PHC3: variants seen among roughly 807,000 people sequenced by gnomAD.
PHC3 encodes the protein polyhomeotic-like protein 3.
Under a neutral mutation model 107.4 loss-of-function variants are expected in PHC3, and 13 were observed. That is an observed-to-expected ratio of 0.12 (90% CI 0.08 to 0.19). The LOEUF is 0.19. PHC3 is among the 10% of genes least tolerant of loss of function. The probability of loss-of-function intolerance (pLI) is 1.00; values close to 1 mark genes in which losing one functional copy is unlikely to be tolerated. For synonymous variants in PHC3, 456 were observed against 427.4 expected, an observed-to-expected ratio of 1.07 and a Z score of -0.83; for missense variants, 992 against 1,210.9, an observed-to-expected ratio of 0.82 and a Z score of 2.68.
In PHC3 at chr3:170,166,236, G is replaced by A. The variant is rs550113264; in HGVS notation, c.414+5137C>T. Among the ~76,000 whole-genome samples the A allele has an allele frequency of 5.9e-4, 89 of 152,030 alleles. 1 individual carries two copies. Among genetic ancestry groups the A allele is most frequent in the African/African-American group, 2.1e-3 (86 of 41,454 alleles). On this transcript the variant is annotated intron_variant, in intron 4 of 14. Transcript: ENST00000495893. Reference sequence around the variant, plus strand: ...ATTTTTGATTTTTAATAGAGATGGGGTTTCACCATGTTGGCCAGGCTGGTC... The same window carrying A: ...ATTTTTGATTTTTAATAGAGATGGGATTTCACCATGTTGGCCAGGCTGGTC...
At chr3:170,174,695 T>C (rs1207051400) in intron 2 of PHC3, among the ~76,000 whole-genome samples, 2 of 152,166 alleles carry the variant, frequency 1.3e-5, no homozygotes, top group East Asian at 3.8e-4. Context: ...AGCATATTTC[T>C]GTGTGTTATT....
intron 12 of PHC3, among the ~76,000 whole-genome samples, chr3:170,104,929 T>C (rs756766001): frequency 1.6e-4 from 25 of 152,224 alleles, no homozygotes; most frequent in Non-Finnish European, 2.9e-5. Flanking sequence ...GCTAGCTTTA[T>C]ACTTGATATT....
At chr3:170,156,595 A>G (rs534359381) in intron 4 of PHC3, among the ~76,000 whole-genome samples, 48 of 149,534 alleles carry the variant, frequency 3.2e-4, no homozygotes, top group African/African-American at 1.1e-3. Flanking sequence ...TCTTTTTAAG[A>G]GACTACATGG....
chr3:170,132,494 A>T (rs1353870540), intron 7 of PHC3, among the ~76,000 whole-genome samples: 1 of 152,214 alleles, frequency 6.6e-6, no homozygotes, highest in Non-Finnish European at 1.5e-5. Flanking sequence ...ACAAAGGTTA[A>T]ATGAGGTCAT....
chr3:170,176,389 A>T (rs1730486518), intron 2 of PHC3, among the ~76,000 whole-genome samples: 1 of 152,218 alleles, frequency 6.6e-6, no homozygotes, highest in Admixed American at 6.5e-5. Flanking sequence ...CTAAACCAAA[A>T]ACAGTTAAAT....
chr3:170,175,623 G>GA (rs1243372877), intron 2 of PHC3, among the ~76,000 whole-genome samples: 1,677 of 109,648 alleles, frequency 0.015, 9 homozygotes, highest in Non-Finnish European at 0.02. Context: ...AGGGAGAGAA[G>GA]AAAAAAAAAA....
In PHC3 at chr3:170,102,551, G is replaced by T; in HGVS notation, c.2761C>A (p.Leu921Ile). ...IRKMPENSDL[L>I]PVAQTEPSIW... Reference sequence around the variant, plus strand: ...GATGGCTCTGTTTGTGCAACTGGTAGCAAGTCACTGTTCTCAGGCATTTTC... The same window carrying T: ...GATGGCTCTGTTTGTGCAACTGGTATCAAGTCACTGTTCTCAGGCATTTTC... Residue 921 changes from leucine to isoleucine, a missense_variant, in exon 14 of 15, where the codon CTA becomes ATA. Coordinates refer to ENST00000495893, the MANE Select transcript of PHC3 (RefSeq NM_024947.4). 2 of 1,613,856 alleles carry T rather than the reference G, an allele frequency of 1.2e-6. No homozygotes were observed. The highest frequency in any genetic ancestry group is 1.7e-6 in the Non-Finnish European group (2 of 1,179,830).
At chr3:170,163,903 T>C (rs1728321740) in intron 4 of PHC3, among the ~76,000 whole-genome samples, 1 of 117,558 alleles carries the variant, frequency 8.5e-6, no homozygotes, top group Non-Finnish European at 1.8e-5. Context: ...GGCATAGTAA[T>C]AATATAGGAA....
intron 4 of PHC3, among the ~76,000 whole-genome samples, chr3:170,167,750 G>T (rs1982786): frequency 0.31 from 44,123 of 144,514 alleles, 6,612 homozygotes; most frequent in East Asian, 0.49. Flanking sequence ...ACAGAGCAAG[G>T]CTTCATCTCA....
chr3:170,119,665 T>TATTCTC (rs1719818605), intron 9 of PHC3, among the ~76,000 whole-genome samples: 1 of 152,318 alleles, frequency 6.6e-6, no homozygotes, highest in South Asian at 2.1e-4. Context: ...CAAATCTGTC[T>TATTCTC]ATTCTCAGTA....
At chr3:170,114,075 T>C (rs1577015244) in intron 10 of PHC3, among the ~76,000 whole-genome samples, 1 of 152,208 alleles carries the variant, frequency 6.6e-6, no homozygotes, top group Admixed American at 6.5e-5. Flanking sequence ...AATGGTGCAA[T>C]CTTGGCTCAC....
At chr3:170,134,197 T>C (rs780009929) in intron 7 of PHC3, among the ~76,000 whole-genome samples, 9 of 151,616 alleles carry the variant, frequency 5.9e-5, no homozygotes, top group African/African-American at 9.7e-5. Flanking sequence ...AATATATATA[T>C]ATATATTTTT....
chr3:170,159,848 A>C (rs1234771292), intron 4 of PHC3, among the ~76,000 whole-genome samples: 1 of 152,228 alleles, frequency 6.6e-6, no homozygotes, highest in East Asian at 1.9e-4. Context: ...CAATACTAAA[A>C]TTTTGAAAAA....
chr3:170,179,308 T>C (rs1731022100), intron 1 of PHC3, among the ~76,000 whole-genome samples: 1 of 152,216 alleles, frequency 6.6e-6, no homozygotes, highest in Non-Finnish European at 1.5e-5. Context: ...TTTTAAAACA[T>C]TTCTTTACAT....
At chr3:170,143,937 T>C (rs1160545629) in intron 6 of PHC3, among the ~76,000 whole-genome samples, 2 of 152,058 alleles carry the variant, frequency 1.3e-5, no homozygotes, top group Non-Finnish European at 1.5e-5. Context: ...TCATAGAGTA[T>C]GTATCCCTTA....
chr3:170,168,518 C>T (rs1416326290), intron 4 of PHC3, among the ~76,000 whole-genome samples: 1 of 151,892 alleles, frequency 6.6e-6, no homozygotes, highest in African/African-American at 2.4e-5. Context: ...GTAATCCCAG[C>T]ACTTTGGGAG....
intron 14 of PHC3, among the ~76,000 whole-genome samples, chr3:170,099,359 T>C (rs1388658503): frequency 6.6e-6 from 1 of 152,192 alleles, no homozygotes; most frequent in Non-Finnish European, 1.5e-5. Flanking sequence ...AAAAGTATAG[T>C]TACATCAGTA....
chr3:170,154,777 A>G (rs946999325), intron 4 of PHC3, among the ~76,000 whole-genome samples: 8 of 152,132 alleles, frequency 5.3e-5, no homozygotes, highest in African/African-American at 1.7e-4. Flanking sequence ...ATAACACCCA[A>G]CTCATGAAGG....
At chr3:170,105,738 GAAT>G (rs1716377996) in intron 12 of PHC3, among the ~76,000 whole-genome samples, 1 of 152,098 alleles carries the variant, frequency 6.6e-6, no homozygotes, top group African/African-American at 2.4e-5. Context: ...TCCTTTGAAA[GAAT>G]AATTACCTTT....
Sources: gnomAD v4.1 joint callset for allele counts (sites outside exome capture counted in the v4.1 genomes callset) on GRCh38, gnomAD v4.1.1 for gene constraint, MANE v1.5 for transcripts, NCBI Gene and HGNC (gene_info 2026-07-23, HGNC 2026-07-21) for gene names.